TESK2: variants seen among roughly 807,000 people sequenced by gnomAD.
TESK2 encodes the protein testis associated actin remodelling kinase 2, also known as dual specificity testis-specific protein kinase 2.
A neutral mutation model predicts 57.1 loss-of-function variants in TESK2; 39 were observed. The ratio of observed to expected loss-of-function variants is 0.68; its 90% CI spans 0.53 to 0.89. TESK2 has a LOEUF of 0.89. Among genes scored for constraint, TESK2 ranks in the 40% least tolerant of loss-of-function variants. The probability of loss-of-function intolerance (pLI) is 0.00; values close to 1 mark genes in which losing one functional copy is unlikely to be tolerated. For synonymous variants in TESK2, 249 were observed against 267.9 expected, an observed-to-expected ratio of 0.93 and a Z score of 0.69; for missense variants, 646 against 732.1, an observed-to-expected ratio of 0.88 and a Z score of 1.36.
intron 2 of TESK2, among the ~76,000 whole-genome samples, chr1:45,434,959 C>CTTTTT (rs60515365): frequency 3.6e-5 from 5 of 140,446 alleles, no homozygotes; most frequent in South Asian, 2.2e-4. Flanking sequence ...ACTTTTCTTT[C>CTTTTT]TTTTTTTTTT....
intron 1 of TESK2, among the ~76,000 whole-genome samples, chr1:45,461,365 A>G (rs1389641075): frequency 1.3e-5 from 2 of 152,128 alleles, no homozygotes; most frequent in Admixed American, 6.5e-5. Context: ...AACAACAACA[A>G]CAAAAAAACC....
At chr1:45,429,717 GGAAA>G (rs1650871338) in intron 2 of TESK2, among the ~76,000 whole-genome samples, 1 of 152,120 alleles carries the variant, frequency 6.6e-6, no homozygotes, top group Non-Finnish European at 1.5e-5. Flanking sequence ...CAAGAAATCA[GGAAA>G]GAGAGATAAC....
intron 5 of TESK2, among the ~76,000 whole-genome samples, chr1:45,351,351 CTG>C (rs956626842): frequency 1.3e-5 from 2 of 152,240 alleles, no homozygotes; most frequent in African/African-American, 4.8e-5. Flanking sequence ...CTGCAAAAGT[CTG>C]TTTCAGGCTG....
In TESK2 at chr1:45,423,552, G is replaced by A. The variant is rs1237344990; in HGVS notation, c.223-1706C>T. Reference sequence around the variant, plus strand: ...AGCCTGGGTGACAGAGCGAGATTCCGTCTCGCGAAAAAAAAAAAAAAATCT... The same window carrying A: ...AGCCTGGGTGACAGAGCGAGATTCCATCTCGCGAAAAAAAAAAAAAAATCT... On this transcript the variant is annotated intron_variant, in intron 2 of 10. Transcript: ENST00000372086. Among the ~76,000 whole-genome samples, 51 of 76,192 alleles carry A rather than the reference G, an allele frequency of 6.7e-4. No homozygotes were observed. The East Asian group carries it at 6.8e-3, about 10-fold the overall frequency. 50.0% of individuals were successfully genotyped at this position (76,192 alleles called of 152,430 possible). A position where few individuals can be genotyped will look rare whatever the true frequency, so the allele number is the denominator to read the frequency against.
At chr1:45,436,912 C>G (rs1651257488) in intron 2 of TESK2, among the ~76,000 whole-genome samples, 1 of 152,086 alleles carries the variant, frequency 6.6e-6, no homozygotes, top group Non-Finnish European at 1.5e-5. Context: ...ATCCTCCCGC[C>G]TCAGCTTCCC....
chr1:45,456,795 T>C (rs1652128330), intron 2 of TESK2, among the ~76,000 whole-genome samples: 1 of 152,158 alleles, frequency 6.6e-6, no homozygotes, highest in Admixed American at 6.6e-5. Flanking sequence ...TAAAGATGTG[T>C]GTTGATAGCT....
At chr1:45,420,169 G>A (rs1650412598) in intron 3 of TESK2, among the ~76,000 whole-genome samples, 1 of 152,106 alleles carries the variant, frequency 6.6e-6, no homozygotes, top group African/African-American at 2.4e-5. Flanking sequence ...AGGTGTGGTG[G>A]ATCACACCTG....
chr1:45,421,799 T>C lies in TESK2; in HGVS notation c.270A>G (p.Thr90=), dbSNP rs754910409. 8 of 1,614,150 alleles carry C rather than the reference T, an allele frequency of 5.0e-6. No individual in the cohort carries two copies. The South Asian group carries it at 5.5e-5, about 11-fold the overall frequency. Residue 90 remains threonine, a synonymous_variant, in exon 3 of 11, where the codon ACA becomes ACG. Transcript: ENST00000372086. The part of the protein sequence containing the change: ...SGQVMALKMN[T]LSSNRANMLK... ...GCATGTTTGCCCGGTTACTGCTCAA[T>C]GTGTTCATCTTAAGAGCCATCACCT...
intron 3 of TESK2, among the ~76,000 whole-genome samples, chr1:45,405,470 C>T (rs1649800843): frequency 1.3e-5 from 2 of 151,890 alleles, no homozygotes; most frequent in South Asian, 4.1e-4. Context: ...TTCCCTTGTG[C>T]TAATATCCCT....
chr1:45,420,753 T>C (rs1422425749), intron 3 of TESK2, among the ~76,000 whole-genome samples: 1 of 151,678 alleles, frequency 6.6e-6, no homozygotes, highest in Non-Finnish European at 1.5e-5. Flanking sequence ...CCCGGCTAAC[T>C]GTTTTTTTGT....
chr1:45,446,221 T>C (rs1651644353), intron 2 of TESK2, among the ~76,000 whole-genome samples: 2 of 151,076 alleles, frequency 1.3e-5, no homozygotes, highest in Admixed American at 1.3e-4. Flanking sequence ...TAGCTCAAGA[T>C]ATCCAAGGTA....
intron 3 of TESK2, among the ~76,000 whole-genome samples, chr1:45,400,842 T>C (rs1180143690): frequency 6.6e-6 from 1 of 151,052 alleles, no homozygotes; most frequent in African/African-American, 2.4e-5. Context: ...GCCAACATGA[T>C]GAAACCCCAT....
chr1:45,475,354 G>C (rs1278927689), intron 1 of TESK2, among the ~76,000 whole-genome samples: 1 of 151,702 alleles, frequency 6.6e-6, no homozygotes, highest in Non-Finnish European at 1.5e-5. Context: ...CTACAGGCAT[G>C]TGCCACCACG....
At chr1:45,401,096 A>T (rs1268623718) in intron 3 of TESK2, among the ~76,000 whole-genome samples, 1 of 150,660 alleles carries the variant, frequency 6.6e-6, no homozygotes, top group Non-Finnish European at 1.5e-5. Context: ...ACTCTGATTT[A>T]AAAAACACTG....
intron 1 of TESK2, among the ~76,000 whole-genome samples, chr1:45,468,266 A>T (rs1028605822): frequency 2.0e-5 from 3 of 152,146 alleles, no homozygotes; most frequent in Middle Eastern, 3.2e-3. Flanking sequence ...TAATGATTAG[A>T]TAGCTGAGAT....
intron 3 of TESK2, among the ~76,000 whole-genome samples, chr1:45,419,484 CA>C (rs2149286218): frequency 6.6e-6 from 1 of 152,170 alleles, no homozygotes; most frequent in African/African-American, 2.4e-5. Context: ...CTGAATATAT[CA>C]CCAGGCATAT....
intron 1 of TESK2, among the ~76,000 whole-genome samples, chr1:45,468,881 T>C (rs1162188977): frequency 2.6e-5 from 4 of 152,192 alleles, no homozygotes; most frequent in Non-Finnish European, 5.9e-5. Flanking sequence ...TGAGAAACAC[T>C]GTGTTAGAGA....
intron 3 of TESK2, among the ~76,000 whole-genome samples, chr1:45,403,897 A>AC (rs1298104201): frequency 2.2e-4 from 33 of 151,776 alleles, no homozygotes; most frequent in African/African-American, 8.0e-4. Context: ...AAAAAAAAAA[A>AC]AACAAGTCTC....
At chr1:45,445,291 G>C (rs1651602674) in intron 2 of TESK2, among the ~76,000 whole-genome samples, 1 of 151,958 alleles carries the variant, frequency 6.6e-6, no homozygotes, top group Admixed American at 6.6e-5. Context: ...TAAATTCTTG[G>C]GGAGATAGAC....
Sources: allele counts gnomAD v4.1 joint callset (sites outside exome capture counted in the v4.1 genomes callset), GRCh38; gene constraint gnomAD v4.1.1; transcripts MANE v1.5; gene names NCBI Gene and HGNC (gene_info 2026-07-23, HGNC 2026-07-21).